The following GNB1 variants were observed in gnomAD, a reference collection of about 807,000 sequenced individuals.
The protein encoded by GNB1 is G protein subunit beta 1.
Under a neutral mutation model 42.9 loss-of-function variants are expected in GNB1, and 2 were observed. The observed-to-expected ratio is 0.05, with a 90% CI of 0.02 to 0.15. GNB1 has a LOEUF of 0.15. GNB1 is among the 10% of genes least tolerant of loss of function. GNB1 has a pLI of 1.00. For missense variants in GNB1, 193 were observed against 462.2 expected (o/e 0.42, Z 5.34); for synonymous variants, 183 against 174.7 (o/e 1.05, Z -0.38).
chr1:1,881,407 G>A (rs779059900), intron 1 of GNB1, among the ~76,000 whole-genome samples: 1 of 146,318 alleles, frequency 6.8e-6, no homozygotes, highest in Non-Finnish European at 1.5e-5. Context: ...TGGAGCTCTC[G>A]AGGTAAAAGT....
In GNB1 at chr1:1,789,203, G is replaced by A. The variant is rs367544631; in HGVS notation, c.766C>T (p.Arg256Cys). ...TAAGTCATGAGCTCCTGGTCAGCAC[G>A]AAGGTCAAACAGCCTGCAGGTGGCG... is the stretch of plus-strand genomic sequence containing the variant. ...DDATCRLFDL[R>C]ADQELMTYSH... The change falls in exon 10 of 12, where the codon CGT (arginine) becomes TGT (cysteine). Residue 256 changes from arginine (R) to cysteine (C), a missense_variant. By Grantham distance (180) the Arg-to-Cys change is radical (BLOSUM62 -3). Around this residue, in one of 2 missense-constraint regions of GNB1, gnomAD observed 150 missense variants for 410.8 expected, o/e 0.37. Transcript: ENST00000378609. 6.2e-7 allele frequency: 1 copy of A among 1,613,490 alleles called. No homozygotes were observed. The highest frequency in any genetic ancestry group is 1.3e-5 in the African/African-American group (1 of 74,904).
intron 1 of GNB1, among the ~76,000 whole-genome samples, chr1:1,874,266 C>T (rs1386028442): frequency 6.6e-6 from 1 of 152,148 alleles, no homozygotes; most frequent in Non-Finnish European, 1.5e-5. Flanking sequence ...GCCAGGAATT[C>T]AAGAGCAGCC....
At chr1:1,862,986 C>G (rs766751962) in intron 1 of GNB1, among the ~76,000 whole-genome samples, 1 of 152,154 alleles carries the variant, frequency 6.6e-6, no homozygotes, top group Admixed American at 6.5e-5. Context: ...TTCAGCCCCA[C>G]GCCAGGCCAC....
At chr1:1,884,217 A>G (rs935132990) in intron 1 of GNB1, among the ~76,000 whole-genome samples, 2 of 150,182 alleles carry the variant, frequency 1.3e-5, no homozygotes, top group Non-Finnish European at 3.0e-5. Flanking sequence ...CTGCAACCTC[A>G]GCCTCCCGAG....
intron 1 of GNB1, among the ~76,000 whole-genome samples, chr1:1,879,533 T>C (rs983078209): frequency 9.9e-5 from 15 of 151,884 alleles, no homozygotes; most frequent in African/African-American, 2.2e-4. Context: ...GGTGAAACCC[T>C]GTCTCTACTA....
chr1:1,846,546 G>C (rs1647678382), intron 1 of GNB1, among the ~76,000 whole-genome samples: 1 of 152,086 alleles, frequency 6.6e-6, no homozygotes, highest in African/African-American at 2.4e-5. Flanking sequence ...CAGGCTGTGA[G>C]ACAAAGTGAG....
At chr1:1,792,829 G>A (rs1156232215) in intron 8 of GNB1, among the ~76,000 whole-genome samples, 1 of 152,152 alleles carries the variant, frequency 6.6e-6, no homozygotes, top group Admixed American at 6.5e-5. Flanking sequence ...ACTTTGGGAG[G>A]CCGAGGTGGG....
At chr1:1,847,225 C>A (rs1475077967) in intron 1 of GNB1, among the ~76,000 whole-genome samples, 1 of 152,184 alleles carries the variant, frequency 6.6e-6, no homozygotes, top group African/African-American at 2.4e-5. Flanking sequence ...AAGCTGCTAA[C>A]CCCTGAGCCT....
At position 1,844,771 on chromosome 1, in the gene GNB1, C is replaced by T. The variant is rs368145915; in HGVS notation, c.-95-5533G>A. On this transcript the variant is annotated intron_variant, in intron 1 of 11. Coordinates refer to ENST00000378609, the MANE Select transcript of GNB1 (RefSeq NM_002074.5). ...CTTTCTCACATTCAGGGTGAGCAGT[C>T]TTATGTTTACTACAAACTTTGGGGT... Among the ~76,000 whole-genome samples the T allele has an allele frequency of 8.5e-5, 13 of 152,282 alleles. 1 individual carries two copies. Among genetic ancestry groups the T allele is most frequent in the Admixed American group, 2.6e-4 (4 of 15,286 alleles).
At chr1:1,835,574 T>C (rs886373896) in intron 2 of GNB1, among the ~76,000 whole-genome samples, 25 of 152,160 alleles carry the variant, frequency 1.6e-4, no homozygotes, top group Middle Eastern at 3.2e-3. Context: ...GTCAGTGCAG[T>C]AGGCCCTTTT....
At chr1:1,873,677 G>A (rs756041019) in intron 1 of GNB1, among the ~76,000 whole-genome samples, 49 of 152,170 alleles carry the variant, frequency 3.2e-4, no homozygotes, top group Non-Finnish European at 3.7e-4. Context: ...TCGGGAGGCC[G>A]AGGTGGGCGG....
At chr1:1,843,801 G>A (rs1274509059) in intron 1 of GNB1, among the ~76,000 whole-genome samples, 6 of 152,064 alleles carry the variant, frequency 3.9e-5, no homozygotes, top group Non-Finnish European at 8.8e-5. Context: ...AGCTGGGCTC[G>A]CACCTCCCAG....
chr1:1,826,105 A>G (rs968355492), intron 2 of GNB1, among the ~76,000 whole-genome samples: 2 of 152,218 alleles, frequency 1.3e-5, no homozygotes, highest in African/African-American at 4.8e-5. Flanking sequence ...AGGTCTCCCT[A>G]TAAATCCAAG....
intron 1 of GNB1, among the ~76,000 whole-genome samples, chr1:1,874,266 C>G (rs1386028442): frequency 3.9e-5 from 6 of 152,148 alleles, no homozygotes; most frequent in Non-Finnish European, 8.8e-5. Context: ...GCCAGGAATT[C>G]AAGAGCAGCC....
At chr1:1,801,364 A>G (rs928921529) in intron 7 of GNB1, among the ~76,000 whole-genome samples, 1 of 152,066 alleles carries the variant, frequency 6.6e-6, no homozygotes, top group African/African-American at 2.4e-5. Context: ...ACATTATAAG[A>G]CCCCTAATTT....
chr1:1,860,785 C>G (rs1648580577), intron 1 of GNB1, among the ~76,000 whole-genome samples: 1 of 151,928 alleles, frequency 6.6e-6, no homozygotes, highest in Admixed American at 6.6e-5. Context: ...ACCCCAAAAG[C>G]CTCACCTACT....
At chr1:1,880,714 C>T (rs1300146668) in intron 1 of GNB1, among the ~76,000 whole-genome samples, 1 of 152,162 alleles carries the variant, frequency 6.6e-6, no homozygotes, top group East Asian at 1.9e-4. Context: ...GACCACTGCT[C>T]CCCAAGACTT....
At chr1:1,824,397 C>T (rs898455998) in intron 3 of GNB1, among the ~76,000 whole-genome samples, 4 of 151,964 alleles carry the variant, frequency 2.6e-5, no homozygotes, top group Admixed American at 6.6e-5. Context: ...GACGAGATCG[C>T]GCCACTGCAC....
intron 5 of GNB1, among the ~76,000 whole-genome samples, chr1:1,812,945 C>G (rs780399801): frequency 5.3e-5 from 8 of 151,862 alleles, no homozygotes; most frequent in Non-Finnish European, 1.0e-4. Context: ...CAGAGCCCAG[C>G]TGGTGAAGGA....
Sources: allele counts gnomAD v4.1 joint callset (sites outside exome capture counted in the v4.1 genomes callset), GRCh38; gene constraint gnomAD v4.1.1; regional missense constraint gnomAD v4.1.1; transcripts MANE v1.5; gene names NCBI Gene and HGNC (gene_info 2026-07-23, HGNC 2026-07-21).